MPEG1: variants seen among roughly 807,000 people sequenced by gnomAD.
MPEG1 encodes the protein macrophage expressed 1.
For missense variants in MPEG1, 876 were observed against 880.3 expected (o/e 1.00, Z 0.06); for synonymous variants, 365 against 351.9 (o/e 1.04, Z -0.42).
At position 59,211,408 on chromosome 11, in the gene MPEG1, C is replaced by G. The variant is rs773641754; in HGVS notation, c.1458G>C (p.Lys486Asn). ...GLLFGGLFSS[K>N]SINPMTNAQS... ...GTGCATTTGTCATGGGGTTTATGCTCTTGCTGCTGAAGAGGCCCCCAAAAA... is the reference window on the plus strand; with the variant it reads ...GTGCATTTGTCATGGGGTTTATGCTGTTGCTGCTGAAGAGGCCCCCAAAAA... Residue 486 changes from lysine to asparagine, a missense_variant, in exon 1 of 1, where the codon AAG (lysine) becomes AAC (asparagine). Lys to Asn is a moderately conservative substitution (Grantham distance 94). Coordinates refer to ENST00000361050, the MANE Select transcript of MPEG1 (RefSeq NM_001039396.2). 1 of 1,614,204 alleles carries G rather than the reference C, an allele frequency of 6.2e-7. No individual in the cohort carries two copies. The highest frequency in any genetic ancestry group is 1.1e-5 in the South Asian group (1 of 91,080).
In MPEG1 at chr11:59,212,492, ACT is replaced by A; in HGVS notation, c.372_373del (p.Lys124AsnfsTer8). On this transcript the variant is annotated frameshift_variant, in exon 1 of 1. Coordinates refer to ENST00000361050, the MANE Select transcript of MPEG1 (RefSeq NM_001039396.2). LOFTEE classifies it low-confidence loss of function (END_TRUNC). ...GAACTCAGTGGAAAACTTGCCATTG[ACT>A]TTGGAAAAAAGAGAGAGTTCTGTGT... 1 of 1,614,148 alleles carries A rather than the reference ACT, an allele frequency of 6.2e-7. No individual in the cohort carries two copies. Among genetic ancestry groups the A allele is most frequent in the South Asian group, 1.1e-5 (1 of 91,080 alleles).
At position 59,212,026 on chromosome 11, in the gene MPEG1, C is replaced by G. The variant is rs764530480; in HGVS notation, c.840G>C (p.Gly280=). Residue 280 remains glycine, a synonymous_variant, in exon 1 of 1, where the codon GGG becomes GGC. Coordinates refer to ENST00000361050, the MANE Select transcript of MPEG1 (RefSeq NM_001039396.2). ...GGGTGATGCCTGGGTAAAAAGGAAC[C>G]CCTCCAATGCTCTGCACCCTGGAGT... ...RTNSRVQSIG[G]VPFYPGITLQ... 6.2e-7 allele frequency: 1 copy of G among 1,609,904 alleles called. No individual in the cohort carries two copies. Among genetic ancestry groups the G allele is most frequent in the Non-Finnish European group, 8.5e-7 (1 of 1,177,848 alleles).
At position 59,212,102 on chromosome 11, in the gene MPEG1, T is replaced by A. The variant is rs770565508; in HGVS notation, c.764A>T (p.Asn255Ile). 1.2e-6 allele frequency: 2 copies of A among 1,614,104 alleles called. No homozygotes were observed. Among genetic ancestry groups the A allele is most frequent in the South Asian group, 1.1e-5 (1 of 91,080 alleles). Residue 255 changes from asparagine to isoleucine, a missense_variant, in exon 1 of 1, where the codon AAC (asparagine) becomes ATC (isoleucine). Physicochemically the swap from Asn to Ile is moderately radical, Grantham distance 149. Coordinates refer to ENST00000361050, the MANE Select transcript of MPEG1 (RefSeq NM_001039396.2). ...QNTVNFKFEE[N>I]YTSQNVLTKS... ...GGTGAGGACATTCTGCGAGGTATAG[T>A]TTTCCTCAAATTTGAAGTTCACGGT... is the stretch of plus-strand genomic sequence containing the variant.
In MPEG1 at chr11:59,212,616, T is replaced by C. The variant is rs759019197; in HGVS notation, c.250A>G (p.Ile84Val). Residue 84 changes from isoleucine to valine, a missense_variant, in exon 1 of 1, where the codon ATC (isoleucine) becomes GTC (valine). Coordinates refer to ENST00000361050, the MANE Select transcript of MPEG1 (RefSeq NM_001039396.2). ...CTCTGTTTCTGGGGAATGGTGAAGA[T>C]TTCATCAGGGATGATATACTGTCCA... Reference protein sequence around the residue: ...EDGQYIIPDEIFTIPQKQSNL... With the variant: ...EDGQYIIPDEVFTIPQKQSNL... 1.2e-6 allele frequency: 2 copies of C among 1,614,248 alleles called. No individual in the cohort carries two copies. The highest frequency in any genetic ancestry group is 2.2e-5 in the South Asian group (2 of 91,090).
chr11:59,211,745 G>C lies in MPEG1; in HGVS notation c.1121C>G (p.Thr374Ser), dbSNP rs1220642959. Residue 374 changes from threonine (T) to serine (S), a missense_variant, in exon 1 of 1, where the codon ACC (threonine) becomes AGC (serine). Coordinates refer to ENST00000361050, the MANE Select transcript of MPEG1 (RefSeq NM_001039396.2). ...ATAAACCCCACCGAAAGAGAAGTTGGTCATTTTCCCCTCGCAGGAGCCATC... is the reference window on the plus strand; with the variant it reads ...ATAAACCCCACCGAAAGAGAAGTTGCTCATTTTCCCCTCGCAGGAGCCATC... Reference protein sequence around the residue: ...TDDGSCEGKMTNFSFGGVYQE... With the variant: ...TDDGSCEGKMSNFSFGGVYQE... 6.2e-7 allele frequency: 1 copy of C among 1,614,186 alleles called. No individual in the cohort carries two copies. The highest frequency in any genetic ancestry group is 2.2e-5 in the East Asian group (1 of 44,886).
In MPEG1 at chr11:59,212,915, C is replaced by T; in HGVS notation, c.-50G>A. 2 of 1,505,780 alleles carry T rather than the reference C, an allele frequency of 1.3e-6. No individual in the cohort carries two copies. Among genetic ancestry groups the T allele is most frequent in the Non-Finnish European group, 1.8e-6 (2 of 1,101,054 alleles). 93.3% of individuals were successfully genotyped at this position (1,505,780 alleles called of 1,614,324 possible). A position where few individuals can be genotyped will look rare whatever the true frequency, so the allele number is the denominator to read the frequency against. On this transcript the variant is annotated 5_prime_UTR_variant, in exon 1 of 1. Coordinates refer to ENST00000361050, the MANE Select transcript of MPEG1 (RefSeq NM_001039396.2). ...CCAGCCCTACACAGCGGCCAGCAAGCTTTGGGCAAACTAAGATGGAGAAAA... is the reference window on the plus strand; with the variant it reads ...CCAGCCCTACACAGCGGCCAGCAAGTTTTGGGCAAACTAAGATGGAGAAAA...
chr11:59,211,138 A>T lies in MPEG1; in HGVS notation c.1728T>A (p.Tyr576Ter). Reference protein sequence around the residue: ...ALISDGCQVSYCVKSGLFTGG... With the variant: ...ALISDGCQVS ...CTGTGAAGAGCCCGGATTTGACGCA[A>T]TAGGACACTTGGCATCCATCGCTGA... The change falls in exon 1 of 1, where the codon TAT becomes TAA. Residue 576 changes from tyrosine (Y) to a stop codon, truncating the protein, a stop_gained. Transcript: ENST00000361050. LOFTEE classifies it low-confidence loss of function (END_TRUNC). The T allele has an allele frequency of 1.2e-6, 2 of 1,614,200 alleles. No homozygotes were observed. The highest frequency in any genetic ancestry group is 1.7e-6 in the Non-Finnish European group (2 of 1,180,036).
At position 59,209,195 on chromosome 11, in the gene MPEG1, C is replaced by T. The variant is rs902451574; in HGVS notation, c.*1520G>A. On this transcript the variant is annotated 3_prime_UTR_variant, in exon 1 of 1. Coordinates refer to ENST00000361050, the MANE Select transcript of MPEG1 (RefSeq NM_001039396.2). ...TTCTGTGACTCACTTCTCTGTGTCT[C>T]GGTTGGAAATGAATGGGTATCCTGG... is the stretch of plus-strand genomic sequence containing the variant. 3 of 152,118 alleles carry T rather than the reference C, an allele frequency of 2.0e-5. No individual in the cohort carries two copies. Among genetic ancestry groups the T allele is most frequent in the Admixed American group, 6.6e-5 (1 of 15,258 alleles). 9.4% of individuals were successfully genotyped at this position (152,118 alleles called of 1,614,324 possible).
Position 59,212,881 on chromosome 11 carries a change from A to G in MPEG1, c.-16T>C. 1 of 1,607,030 alleles carries G rather than the reference A, an allele frequency of 6.2e-7. No individual in the cohort carries two copies. Among genetic ancestry groups the G allele is most frequent in the East Asian group, 2.2e-5 (1 of 44,806 alleles). On this transcript the variant is annotated 5_prime_UTR_variant, in exon 1 of 1. Transcript: ENST00000361050. ...AGTTGTTCATGGCTCAGACAGCCCC[A>G]GCCACTCACCAGCCCTACACAGCGG...
At position 59,211,782 on chromosome 11, in the gene MPEG1, C is replaced by A. The variant is rs201692405; in HGVS notation, c.1084G>T (p.Ala362Ser). 185 of 1,614,018 alleles carry A rather than the reference C, an allele frequency of 1.1e-4. No individual in the cohort carries two copies. The highest frequency in any genetic ancestry group is 1.7e-5 in the Non-Finnish European group (20 of 1,180,034). Reference protein sequence around the residue: ...DLNSPNFNFQANTDDGSCEGK... With the variant: ...DLNSPNFNFQSNTDDGSCEGK... ...TCGCAGGAGCCATCATCCGTGTTGG[C>A]CTGAAAATTGAAGTTGGGAGAATTG... is the stretch of plus-strand genomic sequence containing the variant. Residue 362 changes from alanine (A) to serine (S), a missense_variant, in exon 1 of 1, where the codon GCC (alanine) becomes TCC (serine). Coordinates refer to ENST00000361050, the MANE Select transcript of MPEG1 (RefSeq NM_001039396.2).
chr11:59,210,564 G>T lies in MPEG1; in HGVS notation c.*151C>A. ...TCTCCCCAATCCCAACCTTATCCAT[G>T]TAACAGTATGAATTTCCTGGCCCAG... On this transcript the variant is annotated 3_prime_UTR_variant, in exon 1 of 1. Transcript: ENST00000361050. The T allele has an allele frequency of 1.5e-6, 1 of 686,312 alleles. No individual in the cohort carries two copies. The highest frequency in any genetic ancestry group is 2.5e-6 in the Non-Finnish European group (1 of 405,324). The allele number at this position is 686,312 out of a possible 1,614,324, so 42.5% of individuals were successfully genotyped here. A position where few individuals can be genotyped will look rare whatever the true frequency, so the allele number is the denominator to read the frequency against.
Position 59,210,877 on chromosome 11 carries a change from C to A in MPEG1, c.1989G>T (p.Gly663=). 6.2e-7 allele frequency: 1 copy of A among 1,614,152 alleles called. No homozygotes were observed. The highest frequency in any genetic ancestry group is 8.5e-7 in the Non-Finnish European group (1 of 1,180,022). ...TAACAACAGCCAGAATGGTGGTGAC[C>A]CCCACTGTGACCCCAGCTGCAGCCC... is the stretch of plus-strand genomic sequence containing the variant. ...SGGAAAGVTV[G]VTTILAVVIT... The change falls in exon 1 of 1, where the codon GGG becomes GGT. Residue 663 remains glycine, a synonymous_variant. Transcript: ENST00000361050.
chr11:59,211,857 C>T lies in MPEG1; in HGVS notation c.1009G>A (p.Ala337Thr), dbSNP rs1590996584. Residue 337 changes from alanine to threonine, a missense_variant, in exon 1 of 1, where the codon GCT becomes ACT. By Grantham distance (58) the Ala-to-Thr change is moderately conservative (BLOSUM62 0). Coordinates refer to ENST00000361050, the MANE Select transcript of MPEG1 (RefSeq NM_001039396.2). ...VKKVSKTVET[A>T]VKRYYTFNTY... ...TTGAATGTATAATAGCGCTTCACAG[C>T]AGTTTCCACTGTCTTTGACACCTTC... The T allele has an allele frequency of 6.2e-7, 1 of 1,614,132 alleles. No homozygotes were observed. Among genetic ancestry groups the T allele is most frequent in the East Asian group, 2.2e-5 (1 of 44,880 alleles).
At position 59,210,651 on chromosome 11, in the gene MPEG1, A is replaced by G. The variant is rs527788031; in HGVS notation, c.*64T>C. On this transcript the variant is annotated 3_prime_UTR_variant, in exon 1 of 1. Transcript: ENST00000361050. Reference sequence around the variant, plus strand: ...GGTTGCACTTGCCATTTCAATGCTTAGGAAAACAGAGTGGTCAGCAATGAC... The same window carrying G: ...GGTTGCACTTGCCATTTCAATGCTTGGGAAAACAGAGTGGTCAGCAATGAC... 6.8e-7 allele frequency: 1 copy of G among 1,469,608 alleles called. No homozygotes were observed. The highest frequency in any genetic ancestry group is 2.3e-5 in the East Asian group (1 of 43,924). The allele number at this position is 1,469,608 out of a possible 1,614,324, so 91.0% of individuals were successfully genotyped here. A position where few individuals can be genotyped will look rare whatever the true frequency, so the allele number is the denominator to read the frequency against.
rs761891637 is a variant in MPEG1, at chr11:59,212,461, C to G, written c.405G>C (p.Arg135Ser). ...GGTCCTTCACTTGGAGGGTCTTCAT[C>G]CTCTGGAACTCAGTGGAAAACTTGC... Reference protein sequence around the residue: ...VNGKFSTEFQRMKTLQVKDQA... With the variant: ...VNGKFSTEFQSMKTLQVKDQA... Residue 135 changes from arginine (R) to serine (S), a missense_variant, in exon 1 of 1, where the codon AGG (arginine) becomes AGC (serine). Coordinates refer to ENST00000361050, the MANE Select transcript of MPEG1 (RefSeq NM_001039396.2). The G allele has an allele frequency of 1.6e-5, 26 of 1,614,042 alleles. No homozygotes were observed. The highest frequency in any genetic ancestry group is 2.1e-5 in the Non-Finnish European group (25 of 1,180,052).
Position 59,211,768 on chromosome 11 carries a change from A to G in MPEG1, c.1098T>C (p.Asp366=), listed in dbSNP as rs1862896049. 20 of 1,614,236 alleles carry G rather than the reference A, an allele frequency of 1.2e-5. No individual in the cohort carries two copies. Among genetic ancestry groups the G allele is most frequent in the East Asian group, 2.2e-5 (1 of 44,892 alleles). ...TGGTCATTTTCCCCTCGCAGGAGCCATCATCCGTGTTGGCCTGAAAATTGA... is the reference window on the plus strand; with the variant it reads ...TGGTCATTTTCCCCTCGCAGGAGCCGTCATCCGTGTTGGCCTGAAAATTGA... ...PNFNFQANTD[D]GSCEGKMTNF... Residue 366 remains aspartate (D), a synonymous_variant, in exon 1 of 1, where the codon GAT becomes GAC. Transcript: ENST00000361050.
chr11:59,210,925 C>T lies in MPEG1; in HGVS notation c.1941G>A (p.Gly647=). 1 of 1,614,212 alleles carries T rather than the reference C, an allele frequency of 6.2e-7. No homozygotes were observed. Among genetic ancestry groups the T allele is most frequent in the Non-Finnish European group, 8.5e-7 (1 of 1,180,040 alleles). Residue 647 remains glycine, a synonymous_variant, in exon 1 of 1, where the codon GGG becomes GGA. Transcript: ENST00000361050. Reference sequence around the variant, plus strand: ...CCCCTCCTGACAGACCACCACCATCCCCATGGATGACATTCATGGCCCTCC... The same window carrying T: ...CCCCTCCTGACAGACCACCACCATCTCCATGGATGACATTCATGGCCCTCC... ...ELRRAMNVIH[G]DGGGLSGGAA...
At position 59,211,771 on chromosome 11, in the gene MPEG1, A is replaced by G. The variant is rs954041062; in HGVS notation, c.1095T>C (p.Asp365=). 4 of 1,614,198 alleles carry G rather than the reference A, an allele frequency of 2.5e-6. No individual in the cohort carries two copies. Among genetic ancestry groups the G allele is most frequent in the Non-Finnish European group, 3.4e-6 (4 of 1,180,028 alleles). The change falls in exon 1 of 1, where the codon GAT becomes GAC. Residue 365 remains aspartate (D), a synonymous_variant. Transcript: ENST00000361050. ...SPNFNFQANT[D]DGSCEGKMTN... ...TCATTTTCCCCTCGCAGGAGCCATCATCCGTGTTGGCCTGAAAATTGAAGT... is the reference window on the plus strand; with the variant it reads ...TCATTTTCCCCTCGCAGGAGCCATCGTCCGTGTTGGCCTGAAAATTGAAGT...
At position 59,211,908 on chromosome 11, in the gene MPEG1, G is replaced by A. The variant is rs1479190308; in HGVS notation, c.958C>T (p.Pro320Ser). The change falls in exon 1 of 1, where the codon CCT becomes TCT. Residue 320 changes from proline to serine, a missense_variant. By Grantham distance (74) the Pro-to-Ser change is moderately conservative. Coordinates refer to ENST00000361050, the MANE Select transcript of MPEG1 (RefSeq NM_001039396.2). ...LHFFINPNML[P>S]DLPGPLVKKV... ...TTCACCAGGGGGCCTGGCAAGTCAG[G>A]TAGCATGTTGGGGTTGATGAAGAAA... 6.2e-7 allele frequency: 1 copy of A among 1,614,002 alleles called. No homozygotes were observed. Among genetic ancestry groups the A allele is most frequent in the African/African-American group, 1.3e-5 (1 of 75,022 alleles).
Sources: allele counts gnomAD v4.1 joint callset, GRCh38; gene constraint gnomAD v4.1.1; transcripts MANE v1.5; gene names NCBI Gene and HGNC (gene_info 2026-07-23, HGNC 2026-07-21).